The following HS6ST3 variants were observed in gnomAD, a reference collection of about 807,000 sequenced individuals.
HS6ST3 encodes heparan-sulfate 6-O-sulfotransferase 3.
In HS6ST3, 12 loss-of-function variants were observed where a neutral mutation model predicts 36.7. That is an observed-to-expected ratio of 0.33 (90% CI 0.21 to 0.53). The LOEUF is 0.53. HS6ST3 is among the 20% of genes least tolerant of loss of function. HS6ST3 has a pLI of 0.95. For missense variants in HS6ST3, 584 were observed against 640.9 expected (o/e 0.91, Z 0.96); for synonymous variants, 240 against 257.5 (o/e 0.93, Z 0.65).
intron 1 of HS6ST3, among the ~76,000 whole-genome samples, chr13:96,469,562 G>T (rs779301630): frequency 1.2e-4 from 19 of 152,162 alleles, no homozygotes; most frequent in Non-Finnish European, 2.8e-4. Context: ...AGTTTCAGGA[G>T]CAAAAGTAGC....
At chr13:96,640,933 A>G (rs972317570) in intron 1 of HS6ST3, among the ~76,000 whole-genome samples, 1 of 151,990 alleles carries the variant, frequency 6.6e-6, no homozygotes, top group Non-Finnish European at 1.5e-5. Context: ...TACTGGTACC[A>G]TGATGTTTTG....
chr13:96,161,840 C>T (rs2054137227), intron 1 of HS6ST3, among the ~76,000 whole-genome samples: 3 of 152,118 alleles, frequency 2.0e-5, no homozygotes, highest in Non-Finnish European at 4.4e-5. Flanking sequence ...CAAAGACCTG[C>T]GGAAGGCTTC....
At chr13:96,825,737 A>T (rs1472809379) in intron 1 of HS6ST3, among the ~76,000 whole-genome samples, 1 of 152,202 alleles carries the variant, frequency 6.6e-6, no homozygotes, top group African/African-American at 2.4e-5. Context: ...GCTCCAGTCT[A>T]TGCCCTCCTT....
intron 1 of HS6ST3, among the ~76,000 whole-genome samples, chr13:96,349,250 G>A (rs1226261848): frequency 6.6e-6 from 1 of 152,282 alleles, no homozygotes; most frequent in East Asian, 1.9e-4. Flanking sequence ...AACTTGTTCT[G>A]AAGTTTTTAG....
rs939431142 is a variant in HS6ST3 at position 96,096,276 on chromosome 13, A to T, written c.707+4707A>T. Among the ~76,000 whole-genome samples, 4 of 152,174 alleles carry T rather than the reference A, an allele frequency of 2.6e-5. No individual in the cohort carries two copies. In the East Asian group the frequency reaches 7.7e-4, roughly 29 times the overall value. On this transcript the variant is annotated intron_variant, in intron 1 of 1. Coordinates refer to ENST00000376705, the MANE Select transcript of HS6ST3 (RefSeq NM_153456.4). ...TAGAACTAGGATAAGAACTGATGGG[A>T]TTTCAACTCAGAGTAAGAAAGAACT...
intron 1 of HS6ST3, among the ~76,000 whole-genome samples, chr13:96,265,303 T>C (rs2054686353): frequency 6.6e-6 from 1 of 152,078 alleles, no homozygotes; most frequent in African/African-American, 2.4e-5. Context: ...GCCTCACAAG[T>C]AGCTGGGACT....
intron 1 of HS6ST3, among the ~76,000 whole-genome samples, chr13:96,556,984 T>A (rs1462814623): frequency 6.6e-6 from 1 of 152,206 alleles, no homozygotes; most frequent in East Asian, 1.9e-4. Context: ...GAGATGGCCC[T>A]CTATCTGATG....
At chr13:96,669,787 C>G (rs1390664073) in intron 1 of HS6ST3, among the ~76,000 whole-genome samples, 1 of 152,040 alleles carries the variant, frequency 6.6e-6, no homozygotes, top group African/African-American at 2.4e-5. Context: ...TGTTCTAAGG[C>G]TAAAGTGGTA....
rs964166366 is a variant in HS6ST3, at chr13:96,090,380, G to A, written c.-483G>A. Among the ~76,000 whole-genome samples, 1 of 146,200 alleles carries A rather than the reference G, an allele frequency of 6.8e-6. No individual in the cohort carries two copies. Among genetic ancestry groups the A allele is most frequent in the African/African-American group, 2.4e-5 (1 of 40,836 alleles). On this transcript the variant is annotated 5_prime_UTR_variant, in exon 1 of 2. Coordinates refer to ENST00000376705, the MANE Select transcript of HS6ST3 (RefSeq NM_153456.4). ...TGCCCGCGGCCGGCCGGGGCGGCGG[G>A]AGCGGGCCGCGCCTTCGCCCTTGGC...
intron 1 of HS6ST3, among the ~76,000 whole-genome samples, chr13:96,734,959 C>G (rs140529812): frequency 1.3e-5 from 2 of 152,164 alleles, no homozygotes; most frequent in East Asian, 3.9e-4. Context: ...GAAGCATCTT[C>G]TAGAACAAAC....
intron 1 of HS6ST3, among the ~76,000 whole-genome samples, chr13:96,592,173 TCTTTGA>T (rs2056384665): frequency 6.6e-6 from 1 of 152,156 alleles, no homozygotes; most frequent in Non-Finnish European, 1.5e-5. Context: ...CTTTAATATG[TCTTTGA>T]CTTTGGTATA....
intron 1 of HS6ST3, among the ~76,000 whole-genome samples, chr13:96,380,485 C>T (rs181423138): frequency 1.3e-5 from 2 of 152,170 alleles, no homozygotes; most frequent in East Asian, 1.9e-4. Flanking sequence ...AGGCTCATCT[C>T]GAACTACTGA....
intron 1 of HS6ST3, among the ~76,000 whole-genome samples, chr13:96,554,464 C>A (rs1160689282): frequency 6.6e-6 from 1 of 152,154 alleles, no homozygotes; most frequent in African/African-American, 2.4e-5. Context: ...TAAAAGCTGA[C>A]AGAAGTCCCC....
intron 1 of HS6ST3, among the ~76,000 whole-genome samples, chr13:96,278,592 A>C (rs955852858): frequency 6.6e-6 from 1 of 152,124 alleles, no homozygotes; most frequent in African/African-American, 2.4e-5. Context: ...CTTGCACCAT[A>C]CTGTTTTAAT....
chr13:96,787,605 A>G (rs1877682924), intron 1 of HS6ST3, among the ~76,000 whole-genome samples: 1 of 151,966 alleles, frequency 6.6e-6, no homozygotes, highest in Admixed American at 6.6e-5. Flanking sequence ...AATATTTTGC[A>G]CATTTCTAAT....
At chr13:96,684,821 C>T (rs941807355) in intron 1 of HS6ST3, among the ~76,000 whole-genome samples, 5 of 151,926 alleles carry the variant, frequency 3.3e-5, no homozygotes, top group African/African-American at 1.2e-4. Context: ...AGAAGAAGAC[C>T]CGCCCAAGCA....
In HS6ST3 at chr13:96,279,191, C is replaced by T. The variant is rs961494182; in HGVS notation, c.707+187622C>T. 2.6e-5 allele frequency among the ~76,000 whole-genome samples: 4 copies of T among 152,100 alleles called. No homozygotes were observed. The East Asian group carries it at 7.7e-4, about 29-fold the overall frequency. ...AAAGCTTGAATAGCCAAAGTTCACA[C>T]AGATGGTGAATGTCACAAACAGAAG... On this transcript the variant is annotated intron_variant, in intron 1 of 1. Coordinates refer to ENST00000376705, the MANE Select transcript of HS6ST3 (RefSeq NM_153456.4).
intron 1 of HS6ST3, among the ~76,000 whole-genome samples, chr13:96,291,968 C>T (rs143692340): frequency 3.9e-5 from 6 of 152,168 alleles, no homozygotes; most frequent in African/African-American, 1.4e-4. Context: ...AGCTATATTA[C>T]AAGATGCTAA....
intron 1 of HS6ST3, among the ~76,000 whole-genome samples, chr13:96,124,579 A>T (rs1405451806): frequency 6.6e-6 from 1 of 152,194 alleles, no homozygotes; most frequent in East Asian, 1.9e-4. Context: ...AGCAGCGAGG[A>T]TGGATGATTC....
Sources: gnomAD v4.1 joint callset for allele counts (sites outside exome capture counted in the v4.1 genomes callset) on GRCh38, gnomAD v4.1.1 for gene constraint, MANE v1.5 for transcripts, NCBI Gene and HGNC (gene_info 2026-07-23, HGNC 2026-07-21) for gene names.